Variants in PARP1 observed in about 807,000 individuals in gnomAD.
The protein encoded by PARP1 is poly(ADP-ribose) polymerase 1, also known as poly [ADP-ribose] polymerase 1.
PARP1 carries 44 observed loss-of-function variants against 118.7 expected under a neutral mutation model. The observed-to-expected ratio is 0.37, with a 90% CI of 0.29 to 0.48. PARP1 has a LOEUF of 0.48. PARP1 is among the 20% of genes least tolerant of loss of function. PARP1 has a pLI of 0.99. For synonymous variants in PARP1, 492 were observed against 483.2 expected, an observed-to-expected ratio of 1.02 and a Z score of -0.24; for missense variants, 1,100 against 1,272.4, an observed-to-expected ratio of 0.86 and a Z score of 2.06.
chr1:226,367,250 T>A, intron 17 of PARP1: 1 of 568,768 alleles, frequency 1.8e-6, no homozygotes, highest in East Asian at 3.0e-5. Context: ...GGTGCTGGCT[T>A]GGAAGGCTGC....
Position 226,361,414 on chromosome 1 carries a change from G to A in PARP1, c.*46C>T. ...GAGTTGGTGCAGAAGCGCTTCGGGT[G>A]AATTCATACCAGAGCCACCGGGTGT... On this transcript the variant is annotated 3_prime_UTR_variant, in exon 23 of 23. Transcript: ENST00000366794. The A allele has an allele frequency of 7.6e-7, 1 of 1,321,644 alleles. No homozygotes were observed. The highest frequency in any genetic ancestry group is 1.1e-6 in the Non-Finnish European group (1 of 915,566). The allele number at this position is 1,321,644 out of a possible 1,614,324, so 81.9% of individuals were successfully genotyped here. A position where few individuals can be genotyped will look rare whatever the true frequency, so the allele number is the denominator to read the frequency against.
At chr1:226,407,094 C>G (rs1379913285) in intron 1 of PARP1, among the ~76,000 whole-genome samples, 1 of 152,104 alleles carries the variant, frequency 6.6e-6, no homozygotes, top group African/African-American at 2.4e-5. Context: ...ACAGAAGGCT[C>G]AGGAAACCTC....
intron 11 of PARP1, 50 bp from the exon 12 acceptor site, chr1:226,379,324 G>A (rs1344261804): frequency 6.8e-6 from 11 of 1,611,078 alleles, no homozygotes; most frequent in South Asian, 1.1e-5. Context: ...TGAGGTGCTA[G>A]CACTCTCACG....
At chr1:226,365,783 A>AC (rs79890378) in intron 18 of PARP1, among the ~76,000 whole-genome samples, 171 bp downstream of exon 18, 388 of 33,088 alleles carry the variant, frequency 0.012, no homozygotes, top group Non-Finnish European at 0.017. Context: ...AAAAACAAAA[A>AC]ACAAACAAAC....
Position 226,363,137 on chromosome 1 carries a change from T to A in PARP1, c.2810A>T (p.His937Leu). 6.2e-7 allele frequency: 1 copy of A among 1,613,744 alleles called. No homozygotes were observed. The highest frequency in any genetic ancestry group is 8.5e-7 in the Non-Finnish European group (1 of 1,179,640). Residue 937 changes from histidine (H) to leucine (L), a missense_variant, in exon 21 of 23, where the codon CAT becomes CTT. Around this residue, in one of 2 missense-constraint regions of PARP1, gnomAD observed 152 missense variants for 240.6 expected, o/e 0.63. Coordinates refer to ENST00000366794, the MANE Select transcript of PARP1 (RefSeq NM_001618.4). ...CTTGCCCTTGGGTAACTTGCTGATA[T>A]GTGAAGCGTGCTTCAGTTCATACCT... ...GNMYELKHAS[H>L]ISKLPKGKHS... is the part of the protein sequence containing the mutation.
At chr1:226,393,020 G>C in intron 2 of PARP1, 1 of 1,510,166 alleles carries the variant, frequency 6.6e-7, no homozygotes. Flanking sequence ...AACACAAGGT[G>C]TAAGTTTGGA....
intron 9 of PARP1, 108 bp downstream of exon 9, chr1:226,380,959 TA>T: frequency 8.1e-7 from 1 of 1,240,824 alleles, no homozygotes. Context: ...ATGATGATGT[TA>T]AGATCCAGTT....
At chr1:226,378,940 A>C (rs1664547594) in intron 12 of PARP1, among the ~76,000 whole-genome samples, 3 of 152,258 alleles carry the variant, frequency 2.0e-5, no homozygotes. Context: ...CAACTGTACA[A>C]GGACAGCAAC....
Position 226,390,545 on chromosome 1 carries a change from C to A in PARP1, c.482G>T (p.Gly161Val), listed in dbSNP as rs144252227. The A allele has an allele frequency of 2.1e-5, 34 of 1,614,252 alleles. No homozygotes were observed. The African/African-American group carries it at 4.4e-4, about 21-fold the overall frequency. The change falls in exon 4 of 23, where the codon GGC becomes GTC. Residue 161 changes from glycine (G) to valine (V), a missense_variant. This residue lies in a region of PARP1 where 948 missense variants were observed against 1,031.8 expected (regional missense o/e 0.92). Coordinates refer to ENST00000366794, the MANE Select transcript of PARP1 (RefSeq NM_001618.4). ...LGMIDRWYHP[G>V]CFVKNREELG... The stretch of plus-strand genomic sequence containing the variant: ...CTCCTCCCTGTTCTTGACAAAGCAG[C>A]CTGGATGGTACCAGCGGTCAATCAT...
intron 21 of PARP1, chr1:226,362,367 G>C: frequency 5.0e-6 from 2 of 397,258 alleles, no homozygotes; most frequent in Non-Finnish European, 9.5e-6. Context: ...CTGTATTTTA[G>C]TAGAGACAGG....
intron 5 of PARP1, 28 bp downstream of exon 5, chr1:226,388,628 G>T (rs186102417): frequency 2.1e-6 from 3 of 1,421,936 alleles, no homozygotes; most frequent in Non-Finnish European, 3.0e-6. Flanking sequence ...GCAGAATGTC[G>T]AAAGGAGACA....
chr1:226,385,512 T>A lies in PARP1; in HGVS notation c.1003A>T (p.Thr335Ser), dbSNP rs150693561. ...CTTCCCCTACCCCTTACCTTTGGGG[T>A]TACCCACTCCTTCCGGTTGGGTGTC... is the stretch of plus-strand genomic sequence containing the variant. ...TQTPNRKEWV[T>S]PKEFREISYL... Residue 335 changes from threonine (T) to serine (S), a missense_variant, in exon 7 of 23, where the codon ACC becomes TCC. Physicochemically the swap from Thr to Ser is moderately conservative, Grantham distance 58 (BLOSUM62 1). Transcript: ENST00000366794. 3 of 1,613,810 alleles carry A rather than the reference T, an allele frequency of 1.9e-6. No homozygotes were observed. The African/African-American group carries it at 4.0e-5, about 22-fold the overall frequency.
intron 3 of PARP1, among the ~76,000 whole-genome samples, chr1:226,390,858 C>T (rs1015924477): frequency 6.6e-6 from 1 of 152,180 alleles, no homozygotes; most frequent in African/African-American, 2.4e-5. Flanking sequence ...TGGCAACCTA[C>T]CTACCTGCCT....
chr1:226,368,364 G>T (rs751199491), intron 15 of PARP1, 43 bp from the exon 16 acceptor site: 1 of 1,613,554 alleles, frequency 6.2e-7, no homozygotes, highest in Admixed American at 1.7e-5. Context: ...TGAGGGAGCA[G>T]CTCCAAGCCC....
At chr1:226,385,393 A>G in intron 7 of PARP1, 111 bp downstream of exon 7, 1 of 862,342 alleles carries the variant, frequency 1.2e-6, no homozygotes, top group Non-Finnish European at 2.0e-6. Flanking sequence ...GCTGTAAAGA[A>G]GTCTGAGGAA....
At chr1:226,371,447 A>C (rs1366323611) in intron 14 of PARP1, among the ~76,000 whole-genome samples, 2 of 152,214 alleles carry the variant, frequency 1.3e-5, no homozygotes, top group African/African-American at 4.8e-5. Context: ...AGGATGTGAA[A>C]AGTGCTCACA....
intron 16 of PARP1, 127 bp downstream of exon 16, chr1:226,368,072 C>G: frequency 7.4e-7 from 1 of 1,347,482 alleles, no homozygotes; most frequent in South Asian, 1.2e-5. Context: ...AACTTCAAAA[C>G]AAGGGCAAGA....
chr1:226,401,087 G>T (rs1311523169), intron 2 of PARP1, among the ~76,000 whole-genome samples: 1 of 152,214 alleles, frequency 6.6e-6, no homozygotes, highest in Non-Finnish European at 1.5e-5. Flanking sequence ...CCTGTACTAA[G>T]ACATGGGAGA....
chr1:226,381,364 C>G (rs947518542), intron 8 of PARP1, among the ~76,000 whole-genome samples, 156 bp from the exon 9 acceptor site: 1 of 152,230 alleles, frequency 6.6e-6, no homozygotes, highest in Non-Finnish European at 1.5e-5. Flanking sequence ...CAAGCTGCCA[C>G]CTGAGTACCT....
Sources: allele counts gnomAD v4.1 joint callset (sites outside exome capture counted in the v4.1 genomes callset), GRCh38; gene constraint gnomAD v4.1.1; regional missense constraint gnomAD v4.1.1; transcripts MANE v1.5; gene names NCBI Gene and HGNC (gene_info 2026-07-23, HGNC 2026-07-21).